The following THSD4 variants were observed in gnomAD, a reference collection of about 807,000 sequenced individuals.
The protein encoded by THSD4 is thrombospondin type-1 domain-containing protein 4.
THSD4 carries 69 observed loss-of-function variants against 119.0 expected under a neutral mutation model. That is an observed-to-expected ratio of 0.58 (90% CI 0.48 to 0.71). THSD4 has a LOEUF of 0.71. Among genes scored for constraint, THSD4 ranks in the 30% least tolerant of loss-of-function variants. THSD4 has a pLI of 0.00. For synonymous variants in THSD4, 524 were observed against 540.4 expected, an observed-to-expected ratio of 0.97 and a Z score of 0.42; for missense variants, 1,393 against 1,391.1, an observed-to-expected ratio of 1.00 and a Z score of -0.02.
In THSD4 at chr15:71,242,961, C is replaced by T; in HGVS notation, c.777C>T (p.Leu259=). The T allele has an allele frequency of 6.2e-7, 1 of 1,614,248 alleles. No homozygotes were observed. Among genetic ancestry groups the T allele is most frequent in the South Asian group, 1.1e-5 (1 of 91,090 alleles). The change falls in exon 5 of 18, where the codon CTC becomes CTT. Residue 259 remains leucine (L), a synonymous_variant. Coordinates refer to ENST00000261862, the MANE Select transcript of THSD4 (RefSeq NM_024817.3). ...HDQGYPAASS[L]FHSPETSNNH... ...AAGGCTACCCTGCAGCTTCAAGTCT[C>T]TTTCACAGCCCAGAAACAAGCAACA...
At chr15:71,634,871 A>G (rs906276486) in intron 7 of THSD4, among the ~76,000 whole-genome samples, 29 of 152,136 alleles carry the variant, frequency 1.9e-4, no homozygotes, top group Non-Finnish European at 3.5e-4. Flanking sequence ...ATTTTTCTCT[A>G]TTTTGATTAG....
chr15:71,242,217 A>G (rs2044159063), intron 4 of THSD4, among the ~76,000 whole-genome samples: 2 of 152,168 alleles, frequency 1.3e-5, no homozygotes, highest in Admixed American at 1.3e-4. Context: ...AAGGAGCAAA[A>G]AATACATGAT....
intron 14 of THSD4, 90 bp from the exon 15 acceptor site, chr15:71,757,812 G>A (rs975940791): frequency 1.0e-4 from 160 of 1,534,492 alleles, no homozygotes; most frequent in Middle Eastern, 3.8e-4. Context: ...GCAGGAAAAT[G>A]AAGCATTCCA....
intron 3 of THSD4, chr15:71,185,776 CA>C (rs1311552453): frequency 6.6e-6 from 1 of 152,148 alleles, no homozygotes; most frequent in African/African-American, 2.4e-5. Flanking sequence ...GTTTATTGAA[CA>C]CCTACTGTGT....
intron 10 of THSD4, among the ~76,000 whole-genome samples, chr15:71,737,377 A>G (rs1007805635): frequency 1.3e-5 from 2 of 152,102 alleles, no homozygotes; most frequent in African/African-American, 2.4e-5. Flanking sequence ...AAACTTTCCA[A>G]TCTTTGGTGT....
chr15:71,343,850 C>T (rs1210243511), intron 6 of THSD4, among the ~76,000 whole-genome samples: 3 of 151,198 alleles, frequency 2.0e-5, no homozygotes. Context: ...GCAGCTGGAA[C>T]TACAGGCATG....
At chr15:71,280,947 C>G (rs2044644162) in intron 6 of THSD4, among the ~76,000 whole-genome samples, 2 of 152,212 alleles carry the variant, frequency 1.3e-5, no homozygotes, top group South Asian at 2.1e-4. Context: ...ATTTGTAATT[C>G]ATGGGGGCAA....
rs371400110 is a variant in THSD4, at chr15:71,463,991, A to G, written c.1152+52168A>G. On this transcript the variant is annotated intron_variant, in intron 7 of 17. Transcript: ENST00000261862. ...CTGCACAAACCCCCAAACTCCCCCA[A>G]TATGAATCTATAACAGGCTCTTCTG... 1.3e-3 allele frequency among the ~76,000 whole-genome samples: 197 copies of G among 152,278 alleles called. 1 individual carries two copies. The highest frequency in any genetic ancestry group is 3.9e-3 in the African/African-American group (162 of 41,556).
At chr15:71,373,601 C>T (rs2046090360) in intron 6 of THSD4, among the ~76,000 whole-genome samples, 1 of 152,180 alleles carries the variant, frequency 6.6e-6, no homozygotes, top group Non-Finnish European at 1.5e-5. Context: ...GTGAAGCTTT[C>T]CTTCAGCTTC....
intron 10 of THSD4, among the ~76,000 whole-genome samples, chr15:71,735,769 C>A (rs2053079457): frequency 7.5e-6 from 1 of 134,146 alleles, no homozygotes; most frequent in South Asian, 2.6e-4. Context: ...TGTCTGTCTT[C>A]TTCTCTGTCT....
rs1767315090 is a variant in THSD4 at position 71,263,773 on chromosome 15, A to G, written c.1015+7058A>G. On this transcript the variant is annotated intron_variant, in intron 6 of 17. Transcript: ENST00000261862. ...TTGGCCAAAGCAAGTCACAAATCACACCTAACTTCCAAGGGGGAAGGGAGG... is the reference window on the plus strand; with the variant it reads ...TTGGCCAAAGCAAGTCACAAATCACGCCTAACTTCCAAGGGGGAAGGGAGG... Among the ~76,000 whole-genome samples the G allele has an allele frequency of 2.6e-5, 4 of 152,194 alleles. No homozygotes were observed. In the South Asian group the frequency reaches 8.3e-4, roughly 32 times the overall value.
chr15:71,105,429 C>G (rs980794741), intron 1 of THSD4, among the ~76,000 whole-genome samples: 4 of 152,208 alleles, frequency 2.6e-5, no homozygotes, highest in African/African-American at 4.8e-5. Context: ...TTAATTTCCT[C>G]CCATCCCATT....
At chr15:71,552,705 G>A (rs2048951361) in intron 7 of THSD4, among the ~76,000 whole-genome samples, 1 of 152,192 alleles carries the variant, frequency 6.6e-6, no homozygotes, top group Admixed American at 6.5e-5. Context: ...GGAGAGTAGT[G>A]GTGCGATCTC....
chr15:71,676,312 C>G (rs532017986), intron 8 of THSD4, among the ~76,000 whole-genome samples: 2 of 152,188 alleles, frequency 1.3e-5, no homozygotes, highest in Admixed American at 1.3e-4. Flanking sequence ...GACGGAGTCT[C>G]GCTGTGTCGC....
At chr15:71,341,261 G>T (rs7178754) in intron 6 of THSD4, 14 of 1,595,038 alleles carry the variant, frequency 8.8e-6, no homozygotes, top group Non-Finnish European at 1.1e-5. Flanking sequence ...TTCCTTTTCC[G>T]TAAGGATCAT....
intron 17 of THSD4, among the ~76,000 whole-genome samples, chr15:71,772,179 A>G (rs1026576000): frequency 6.6e-6 from 1 of 152,226 alleles, no homozygotes; most frequent in African/African-American, 2.4e-5. Flanking sequence ...TAATATATCA[A>G]TAAGCTTTCA....
At chr15:71,152,447 A>T (rs2040732379) in intron 2 of THSD4, among the ~76,000 whole-genome samples, 1 of 152,004 alleles carries the variant, frequency 6.6e-6, no homozygotes, top group Admixed American at 6.6e-5. Flanking sequence ...AAAAATCAAC[A>T]AAAGGAAAGT....
intron 7 of THSD4, among the ~76,000 whole-genome samples, chr15:71,529,077 C>G (rs1407174038): frequency 6.6e-6 from 1 of 152,158 alleles, no homozygotes; most frequent in East Asian, 1.9e-4. Context: ...TGGTGATTCT[C>G]CACTTTTTCC....
rs192976756 is a variant in THSD4 at position 71,597,189 on chromosome 15, T to C, written c.1153-63341T>C. 7.1e-3 allele frequency among the ~76,000 whole-genome samples: 1,075 copies of C among 152,340 alleles called. 10 individuals carry two copies. The highest frequency in any genetic ancestry group is 0.024 in the Middle Eastern group (7 of 294). On this transcript the variant is annotated intron_variant, in intron 7 of 17. Transcript: ENST00000261862. ...TTATAGCATTAAATGTCTCAAATTC[T>C]TGGGGACGTTTTCTGTCACAGGCCT...
Sources: gnomAD v4.1 joint callset for allele counts (sites outside exome capture counted in the v4.1 genomes callset) on GRCh38, gnomAD v4.1.1 for gene constraint, MANE v1.5 for transcripts, NCBI Gene and HGNC (gene_info 2026-07-23, HGNC 2026-07-21) for gene names.